The following LRP2 variants were observed in gnomAD, a reference collection of about 807,000 sequenced individuals.
LRP2 encodes the protein low-density lipoprotein receptor-related protein 2.
LRP2 carries 172 observed loss-of-function variants against 531.0 expected under a neutral mutation model. The ratio of observed to expected loss-of-function variants is 0.32; its 90% confidence interval spans 0.29 to 0.37. The LOEUF (loss-of-function observed/expected upper bound fraction) is 0.37. LRP2 is among the 10% of genes least tolerant of loss of function. LRP2 has a pLI of 1.00. For missense variants in LRP2, 5,167 were observed against 5,868.3 expected (o/e 0.88, Z 3.90); for synonymous variants, 1,992 against 2,027.6 (o/e 0.98, Z 0.47).
intron 30 of LRP2, among the ~76,000 whole-genome samples, chr2:169,233,197 G>A (rs560401427): frequency 2.0e-5 from 3 of 152,214 alleles, no homozygotes; most frequent in Non-Finnish European, 4.4e-5. Context: ...TAATTCAGAT[G>A]TGCTGTTATT....
At chr2:169,144,395 C>G (rs1166334790) in intron 70 of LRP2, among the ~76,000 whole-genome samples, 1 of 136,020 alleles carries the variant, frequency 7.4e-6, no homozygotes, top group East Asian at 2.1e-4. Context: ...CCCCCACCCC[C>G]ACTCCACCAG....
chr2:169,332,088 A>C (rs1243922457), intron 1 of LRP2, among the ~76,000 whole-genome samples: 1 of 152,214 alleles, frequency 6.6e-6, no homozygotes, highest in Non-Finnish European at 1.5e-5. Flanking sequence ...TATAAACATC[A>C]CTTTCATTTT....
chr2:169,139,339 T>A lies in LRP2; in HGVS notation c.13300A>T (p.Ile4434Phe). 1 of 1,614,024 alleles carries A rather than the reference T, an allele frequency of 6.2e-7. No homozygotes were observed. The highest frequency in any genetic ancestry group is 8.5e-7 in the Non-Finnish European group (1 of 1,179,998). Reference sequence around the variant, plus strand: ...ATTGCCAGAGCTCCAATTACGACGATCAAGAGGATTGTCAACAGCACAGCT... The same window carrying A: ...ATTGCCAGAGCTCCAATTACGACGAACAAGAGGATTGTCAACAGCACAGCT... ...AVAVLLTILLIVVIGALAIAG... is the reference protein window; with the variant it reads ...AVAVLLTILLFVVIGALAIAG... Residue 4434 changes from isoleucine (I) to phenylalanine (F), a missense_variant, in exon 74 of 79, where the codon ATC becomes TTC. Physicochemically the swap from Ile to Phe is conservative, Grantham distance 21. Coordinates refer to ENST00000649046, the MANE Select transcript of LRP2 (RefSeq NM_004525.3).
At chr2:169,358,250 C>T (rs755786044) in intron 1 of LRP2, among the ~76,000 whole-genome samples, 42 of 152,290 alleles carry the variant, frequency 2.8e-4, no homozygotes, top group Middle Eastern at 3.4e-3. Flanking sequence ...TATATCTTAG[C>T]TCTGTCACAG....
At position 169,185,826 on chromosome 2, in the gene LRP2, G is replaced by A. The variant is rs771236825; in HGVS notation, c.9522C>T (p.Tyr3174=). Reference sequence around the variant, plus strand: ...GGTAGCCTGGGGCACACTTACAGATGTAGGAGCCTATTACATTCTCACACT... The same window carrying A: ...GGTAGCCTGGGGCACACTTACAGATATAGGAGCCTATTACATTCTCACACT... ...SQKCENVIGS[Y]ICKCAPGYLR... The change falls in exon 50 of 79, where the codon TAC becomes TAT. Residue 3174 remains tyrosine, a synonymous_variant. Coordinates refer to ENST00000649046, the MANE Select transcript of LRP2 (RefSeq NM_004525.3). The A allele has an allele frequency of 1.2e-6, 2 of 1,614,032 alleles. No homozygotes were observed. Among genetic ancestry groups the A allele is most frequent in the Middle Eastern group, 1.7e-4 (1 of 6,060 alleles).
Position 169,254,643 on chromosome 2 carries a change from T to TAAAAAAA in LRP2, c.2770+1456_2770+1462dup, listed in dbSNP as rs528767921. The stretch of plus-strand genomic sequence containing the variant: ...ATGTACCCTAAAACTTAGAGTATAA[T>TAAAAAAA]AAAAAAAAAAAAAAACAGCAATGTT... On this transcript the variant is annotated intron_variant, in intron 19 of 78. Coordinates refer to ENST00000649046, the MANE Select transcript of LRP2 (RefSeq NM_004525.3). Among the ~76,000 whole-genome samples, 17 of 73,262 alleles carry TAAAAAAA rather than the reference T, an allele frequency of 2.3e-4. 3 individuals are homozygous for TAAAAAAA. The highest frequency in any genetic ancestry group is 8.5e-4 in the South Asian group (1 of 1,174). The allele number at this position is 73,262 out of a possible 152,430, so 48.1% of individuals were successfully genotyped here. A position where few individuals can be genotyped will look rare whatever the true frequency, so the allele number is the denominator to read the frequency against.
chr2:169,306,775 T>C (rs953452556), intron 4 of LRP2, among the ~76,000 whole-genome samples: 8 of 152,198 alleles, frequency 5.3e-5, no homozygotes, highest in Admixed American at 6.5e-5. Flanking sequence ...TAGAATACTA[T>C]GATTTATATG....
At chr2:169,347,174 CTACTT>C (rs751682586) in intron 1 of LRP2, among the ~76,000 whole-genome samples, 2 of 152,176 alleles carry the variant, frequency 1.3e-5, no homozygotes, top group Non-Finnish European at 2.9e-5. Flanking sequence ...TCTCAACTAA[CTACTT>C]TACCCTACAG....
chr2:169,323,627 T>C (rs1482233129), intron 1 of LRP2, among the ~76,000 whole-genome samples: 9 of 145,688 alleles, frequency 6.2e-5, no homozygotes, highest in Admixed American at 1.4e-4. Flanking sequence ...TATTTGAAGA[T>C]TTAAAAAAAA....
chr2:169,208,390 A>G (rs1463398027), intron 38 of LRP2, among the ~76,000 whole-genome samples: 1 of 152,174 alleles, frequency 6.6e-6, no homozygotes, highest in Non-Finnish European at 1.5e-5. Context: ...TTCCATATTT[A>G]CTTTTTGCAA....
intron 1 of LRP2, among the ~76,000 whole-genome samples, chr2:169,335,064 C>G (rs1685367492): frequency 6.6e-6 from 1 of 152,200 alleles, no homozygotes; most frequent in Non-Finnish European, 1.5e-5. Context: ...CTGGCCCAGT[C>G]TTCGGTCAAG....
intron 50 of LRP2, among the ~76,000 whole-genome samples, chr2:169,183,119 A>C (rs1687501804): frequency 1.3e-5 from 2 of 152,234 alleles, no homozygotes; most frequent in African/African-American, 4.8e-5. Context: ...CTATAGTGAG[A>C]AGGTCATTTA....
intron 1 of LRP2, among the ~76,000 whole-genome samples, chr2:169,354,818 A>C (rs1467846256): frequency 6.6e-6 from 1 of 152,212 alleles, no homozygotes; most frequent in African/African-American, 2.4e-5. Context: ...TCCATAGATG[A>C]AGTGCTAAGG....
Position 169,248,725 on chromosome 2 carries a change from G to C in LRP2, c.2771-1210C>G, listed in dbSNP as rs3845729. 7.0e-5 allele frequency among the ~76,000 whole-genome samples: 9 copies of C among 128,794 alleles called. 1 individual carries two copies. The highest frequency in any genetic ancestry group is 2.0e-4 in the African/African-American group (6 of 30,620). The allele number at this position is 128,794 out of a possible 152,430, so 84.5% of individuals were successfully genotyped here. ...TTTCTGCATTTCCATCTGAGGTACC[G>C]GGTTCATCTCACTAGGGAGTGCCAG... On this transcript the variant is annotated intron_variant, in intron 19 of 78. Transcript: ENST00000649046.
At chr2:169,189,956 T>C (rs770970972) in intron 48 of LRP2, among the ~76,000 whole-genome samples, 1 of 152,134 alleles carries the variant, frequency 6.6e-6, no homozygotes, top group African/African-American at 2.4e-5. Flanking sequence ...TGTGAGATCA[T>C]AGTAATGATA....
chr2:169,254,518 A>G (rs1652292083), intron 19 of LRP2, among the ~76,000 whole-genome samples: 1 of 75,656 alleles, frequency 1.3e-5, no homozygotes, highest in Non-Finnish European at 2.5e-5. Context: ...GGGGAGGGAT[A>G]GCATTGGGAG....
chr2:169,206,145 T>C lies in LRP2; in HGVS notation c.7434A>G (p.Arg2478=). 1 of 1,614,178 alleles carries C rather than the reference T, an allele frequency of 6.2e-7. No homozygotes were observed. Among genetic ancestry groups the C allele is most frequent in the Non-Finnish European group, 8.5e-7 (1 of 1,180,026 alleles). The change falls in exon 40 of 79, where the codon AGA becomes AGG. Residue 2478 remains arginine (R), a synonymous_variant. Transcript: ENST00000649046. Reference sequence around the variant, plus strand: ...TGAGGTAGTCACTGTAATAAATTCTTCTAGTAATCCAGTCAAAGGCAATGC... The same window carrying C: ...TGAGGTAGTCACTGTAATAAATTCTCCTAGTAATCCAGTCAAAGGCAATGC... ...ADGIAFDWIT[R]RIYYSDYLNQ...
chr2:169,207,460 A>G (rs1688437759), intron 38 of LRP2, among the ~76,000 whole-genome samples: 1 of 152,214 alleles, frequency 6.6e-6, no homozygotes, highest in Admixed American at 6.5e-5. Flanking sequence ...ATTTAGAGAG[A>G]AAGTGCCTAT....
intron 35 of LRP2, among the ~76,000 whole-genome samples, chr2:169,216,010 G>A (rs941179456): frequency 1.3e-5 from 2 of 151,888 alleles, no homozygotes; most frequent in Non-Finnish European, 2.9e-5. Context: ...AAAAAAAAAC[G>A]TTGGTGGGGA....
Sources: allele counts gnomAD v4.1 joint callset (sites outside exome capture counted in the v4.1 genomes callset), GRCh38; gene constraint gnomAD v4.1.1; transcripts MANE v1.5; gene names NCBI Gene and HGNC (gene_info 2026-07-23, HGNC 2026-07-21).